The following REEP3 variants were observed in gnomAD, a reference collection of about 807,000 sequenced individuals.
The protein encoded by REEP3 is receptor expression-enhancing protein 3.
A neutral mutation model predicts 41.3 loss-of-function variants in REEP3; 20 were observed. That is an observed-to-expected ratio of 0.48 (90% CI 0.34 to 0.70). REEP3 has a LOEUF of 0.70. Among genes scored for constraint, REEP3 ranks in the 30% least tolerant of loss-of-function variants. The pLI, the probability that REEP3 is intolerant of heterozygous loss-of-function variation, is 0.01. For synonymous variants in REEP3, 104 were observed against 101.8 expected (o/e 1.02, Z -0.13); for missense variants, 271 against 308.8 (o/e 0.88, Z 0.92).
Position 63,568,892 on chromosome 10 carries a change from G to C in REEP3, c.105+2482G>C, listed in dbSNP as rs767195212. Among the ~76,000 whole-genome samples the C allele has an allele frequency of 3.0e-4, 45 of 151,908 alleles. 1 individual carries two copies. The highest frequency in any genetic ancestry group is 3.4e-3 in the Middle Eastern group (1 of 294). On this transcript the variant is annotated intron_variant, in intron 2 of 7. Coordinates refer to ENST00000373758, the MANE Select transcript of REEP3 (RefSeq NM_001001330.3). ...TGTCCAGGTTGATCTTGGACTCCTG[G>C]CCTCAGGTTATCCACCTACTTCAGC...
chr10:63,603,637 GAACTGTTCCCATTT>G, intron 5 of REEP3, among the ~76,000 whole-genome samples: 1 of 152,138 alleles, frequency 6.6e-6, no homozygotes, highest in Middle Eastern at 3.4e-3. Context: ...ACTGGATTTG[GAACTGTTCCCATTT>G]GTTTGCAATG....
chr10:63,584,515 C>T (rs1955986635), intron 2 of REEP3, among the ~76,000 whole-genome samples: 1 of 151,152 alleles, frequency 6.6e-6, no homozygotes, highest in Admixed American at 6.6e-5. Flanking sequence ...TTCAACCATG[C>T]CTCTAACTTG....
At chr10:63,541,536 C>T in intron 1 of REEP3, among the ~76,000 whole-genome samples, 1 of 152,140 alleles carries the variant, frequency 6.6e-6, no homozygotes, top group African/African-American at 2.4e-5. Context: ...CCCAAATAAG[C>T]AGTGTATATT....
intron 1 of REEP3, among the ~76,000 whole-genome samples, chr10:63,556,612 TTG>T (rs1955684230): frequency 5.6e-4 from 3 of 5,324 alleles, no homozygotes; most frequent in Non-Finnish European, 4.3e-3. Flanking sequence ...TTCTGTTTGC[TTG>T]TTTTTTTTTT....
At chr10:63,564,934 A>T (rs1034566675) in intron 1 of REEP3, among the ~76,000 whole-genome samples, 1 of 152,228 alleles carries the variant, frequency 6.6e-6, no homozygotes, top group African/African-American at 2.4e-5. Flanking sequence ...AAAGTAAAGG[A>T]ACGTCAATGT....
intron 1 of REEP3, among the ~76,000 whole-genome samples, chr10:63,537,628 G>C (rs567651275): frequency 4.9e-4 from 74 of 152,126 alleles, no homozygotes; most frequent in Admixed American, 1.1e-3. Flanking sequence ...TAACTAAAGG[G>C]GCGAGCTTAG....
At chr10:63,562,834 ATG>A in intron 1 of REEP3, 1 of 426,342 alleles carries the variant, frequency 2.3e-6, no homozygotes, top group South Asian at 1.7e-5. Context: ...ACAAATATAT[ATG>A]TGTTATGGGC....
chr10:63,587,761 CAT>C (rs1435523825), intron 2 of REEP3, among the ~76,000 whole-genome samples: 3 of 152,184 alleles, frequency 2.0e-5, no homozygotes, highest in Non-Finnish European at 4.4e-5. Flanking sequence ...AGCCTCACCT[CAT>C]ATTCTTTTGG....
intron 2 of REEP3, among the ~76,000 whole-genome samples, chr10:63,571,029 C>T (rs1204878863): frequency 1.3e-5 from 2 of 152,106 alleles, no homozygotes; most frequent in Admixed American, 6.6e-5. Context: ...GTGGGAGGAT[C>T]ACCTGAGCCT....
chr10:63,598,291 C>CCAA (rs1956135653), intron 4 of REEP3, 147 bp downstream of exon 4: 1 of 468,308 alleles, frequency 2.1e-6, no homozygotes, highest in Admixed American at 3.4e-5. Flanking sequence ...ACCAGCCTGG[C>CCAA]CAACATGGTG....
intron 2 of REEP3, among the ~76,000 whole-genome samples, chr10:63,592,853 A>G (rs1956077615): frequency 6.6e-6 from 1 of 152,260 alleles, no homozygotes; most frequent in East Asian, 1.9e-4. Context: ...AGATTGCACC[A>G]CTGCACTCCA....
intron 6 of REEP3, among the ~76,000 whole-genome samples, chr10:63,617,178 G>C (rs1361875995): frequency 6.6e-6 from 1 of 151,958 alleles, no homozygotes; most frequent in Non-Finnish European, 1.5e-5. Context: ...CACTTCCTTG[G>C]ACCACTGCAA....
At chr10:63,573,567 T>C (rs187749688) in intron 2 of REEP3, among the ~76,000 whole-genome samples, 2 of 152,338 alleles carry the variant, frequency 1.3e-5, no homozygotes, top group Non-Finnish European at 2.9e-5. Context: ...CAGGAAAAGC[T>C]GGGAGATTAC....
chr10:63,565,102 C>CA (rs911115249), intron 1 of REEP3, among the ~76,000 whole-genome samples: 2 of 151,694 alleles, frequency 1.3e-5, no homozygotes, highest in East Asian at 3.9e-4. Flanking sequence ...ACTAAAAATA[C>CA]AAAAAAAATT....
At chr10:63,591,138 T>C (rs1417926535) in intron 2 of REEP3, among the ~76,000 whole-genome samples, 1 of 151,580 alleles carries the variant, frequency 6.6e-6, no homozygotes, top group Non-Finnish European at 1.5e-5. Context: ...TTTTTTTTTT[T>C]TTTGACCTTG....
chr10:63,620,370 C>T (rs1207526400), intron 7 of REEP3, among the ~76,000 whole-genome samples: 1 of 152,148 alleles, frequency 6.6e-6, no homozygotes, highest in Non-Finnish European at 1.5e-5. Flanking sequence ...TTCAAATACC[C>T]AGTCCCAGCC....
At chr10:63,527,849 CTGTT>C (rs1955380869) in intron 1 of REEP3, among the ~76,000 whole-genome samples, 1 of 152,168 alleles carries the variant, frequency 6.6e-6, no homozygotes, top group African/African-American at 2.4e-5. Flanking sequence ...CTTGGCCAAA[CTGTT>C]TGATCCTCAT....
intron 5 of REEP3, among the ~76,000 whole-genome samples, chr10:63,608,037 C>T (rs1956244628): frequency 6.6e-6 from 1 of 152,046 alleles, no homozygotes; most frequent in Non-Finnish European, 1.5e-5. Context: ...ATCTGTGTGG[C>T]AGTAAATAAA....
chr10:63,561,698 A>G (rs1319586122), intron 1 of REEP3, among the ~76,000 whole-genome samples: 4 of 152,362 alleles, frequency 2.6e-5, no homozygotes, highest in East Asian at 3.9e-4. Context: ...ATGAGATGGC[A>G]TGAGCCCAGA....
Sources: allele counts gnomAD v4.1 joint callset (sites outside exome capture counted in the v4.1 genomes callset), GRCh38; gene constraint gnomAD v4.1.1; transcripts MANE v1.5; gene names NCBI Gene and HGNC (gene_info 2026-07-23, HGNC 2026-07-21).